The following CCDC172 variants were observed in gnomAD, a reference collection of about 807,000 sequenced individuals.
CCDC172 encodes coiled-coil domain-containing protein 172.
A neutral mutation model predicts 38.0 loss-of-function variants in CCDC172; 30 were observed. The ratio of observed to expected loss-of-function variants is 0.79; its 90% CI spans 0.59 to 1.07. The LOEUF (loss-of-function observed/expected upper bound fraction) is 1.07, where lower values mean the gene tolerates loss of function less well. Among genes scored for constraint, CCDC172 ranks in the 50% least tolerant of loss-of-function variants. The pLI is 0.00. For missense variants in CCDC172, 297 were observed against 290.1 expected, an observed-to-expected ratio of 1.02 and a Z score of -0.17; for synonymous variants, 78 against 88.3, an observed-to-expected ratio of 0.88 and a Z score of 0.66.
chr10:116,360,585 T>C (rs537957884), intron 7 of CCDC172, among the ~76,000 whole-genome samples: 6 of 152,306 alleles, frequency 3.9e-5, no homozygotes, highest in Non-Finnish European at 8.8e-5. Flanking sequence ...AGTTTAATCA[T>C]GCTGACCTCC....
intron 3 of CCDC172, among the ~76,000 whole-genome samples, chr10:116,333,416 T>C (rs1335986875): frequency 6.6e-6 from 1 of 152,192 alleles, no homozygotes; most frequent in Non-Finnish European, 1.5e-5. Context: ...TGATTATTTC[T>C]TGCACATGTG....
At chr10:116,345,196 G>T (rs1299841346) in intron 5 of CCDC172, among the ~76,000 whole-genome samples, 3 of 152,258 alleles carry the variant, frequency 2.0e-5, no homozygotes, top group Non-Finnish European at 4.4e-5. Flanking sequence ...AAATAGAAAT[G>T]CATATTGTCA....
At chr10:116,373,067 G>A (rs181694634) in intron 7 of CCDC172, among the ~76,000 whole-genome samples, 4 of 152,160 alleles carry the variant, frequency 2.6e-5, no homozygotes, top group Admixed American at 2.6e-4. Context: ...ATAGAAATTT[G>A]GAGCTATGCA....
chr10:116,331,958 G>A (rs2134906035), intron 3 of CCDC172, among the ~76,000 whole-genome samples: 1 of 152,228 alleles, frequency 6.6e-6, no homozygotes. Context: ...ATGGGATATA[G>A]CTCACTTATA....
chr10:116,338,720 G>A lies in CCDC172; in HGVS notation c.166-2014G>A, dbSNP rs149799461. On this transcript the variant is annotated intron_variant, in intron 3 of 8. Coordinates refer to ENST00000333254, the MANE Select transcript of CCDC172 (RefSeq NM_198515.3). ...TAATTTAAGCTCTTAGTCATTGATA[G>A]CTGAAAGATAGCACCTTAATTTCTG... 1.8e-3 allele frequency among the ~76,000 whole-genome samples: 270 copies of A among 152,154 alleles called. 1 individual carries two copies. The highest frequency in any genetic ancestry group is 3.4e-3 in the Middle Eastern group (1 of 294).
intron 3 of CCDC172, among the ~76,000 whole-genome samples, chr10:116,338,811 G>A (rs1039328919): frequency 6.6e-5 from 10 of 152,066 alleles, no homozygotes; most frequent in Non-Finnish European, 2.9e-5. Flanking sequence ...TTAGAAATCC[G>A]TTAGTTTGAT....
At chr10:116,345,707 A>C (rs550871402) in intron 5 of CCDC172, among the ~76,000 whole-genome samples, 1 of 152,308 alleles carries the variant, frequency 6.6e-6, no homozygotes, top group Admixed American at 6.5e-5. Flanking sequence ...AAGATACTCA[A>C]TATCTTTAGT....
chr10:116,339,490 G>A (rs933584749), intron 3 of CCDC172, among the ~76,000 whole-genome samples: 4 of 151,666 alleles, frequency 2.6e-5, no homozygotes, highest in African/African-American at 7.3e-5. Context: ...TGTCTTCTGA[G>A]ACAGAAAAAT....
intron 6 of CCDC172, 51 bp downstream of exon 6, chr10:116,357,532 G>T (rs1845014240): frequency 7.5e-7 from 1 of 1,335,326 alleles, no homozygotes; most frequent in South Asian, 1.5e-5. Context: ...AGTTATATAT[G>T]CATGATAAGG....
intron 7 of CCDC172, among the ~76,000 whole-genome samples, chr10:116,365,582 T>C (rs1386012567): frequency 6.6e-6 from 1 of 152,202 alleles, no homozygotes; most frequent in Admixed American, 6.5e-5. Context: ...ATTACAAGGG[T>C]TTTTATACAT....
rs1211910853 is a variant in CCDC172, at chr10:116,362,675, C to T, written c.653+4737C>T. Among the ~76,000 whole-genome samples, 5 of 152,264 alleles carry T rather than the reference C, an allele frequency of 3.3e-5. No homozygotes were observed. The East Asian group carries it at 9.6e-4, about 29-fold the overall frequency. ...TCTACAGTGTCCTCAAAATATTAGTCAAATAGTTGTGTGTCTGTACCTTAC... is the reference window on the plus strand; with the variant it reads ...TCTACAGTGTCCTCAAAATATTAGTTAAATAGTTGTGTGTCTGTACCTTAC... On this transcript the variant is annotated intron_variant, in intron 7 of 8. Coordinates refer to ENST00000333254, the MANE Select transcript of CCDC172 (RefSeq NM_198515.3).
At chr10:116,354,879 C>G (rs1044487092) in intron 5 of CCDC172, among the ~76,000 whole-genome samples, 1 of 152,098 alleles carries the variant, frequency 6.6e-6, no homozygotes, top group Non-Finnish European at 1.5e-5. Context: ...TTGTGTAGGC[C>G]TAGGCTAATT....
At chr10:116,377,737 A>G (rs1845265895) in intron 7 of CCDC172, among the ~76,000 whole-genome samples, 1 of 152,010 alleles carries the variant, frequency 6.6e-6, no homozygotes, top group Admixed American at 6.6e-5. Context: ...TTCTATACTT[A>G]AAAGTTTTCA....
chr10:116,329,449 C>T (rs1019522741), intron 3 of CCDC172, among the ~76,000 whole-genome samples: 10 of 152,054 alleles, frequency 6.6e-5, no homozygotes, highest in African/African-American at 2.4e-4. Flanking sequence ...CATGCACGCT[C>T]ACTTCATTTA....
At chr10:116,371,203 A>C (rs1264297942) in intron 7 of CCDC172, among the ~76,000 whole-genome samples, 1 of 151,918 alleles carries the variant, frequency 6.6e-6, no homozygotes, top group South Asian at 2.1e-4. Flanking sequence ...TTATTGGGTA[A>C]AAATAATATG....
At chr10:116,336,900 G>A (rs1044633936) in intron 3 of CCDC172, among the ~76,000 whole-genome samples, 1 of 152,078 alleles carries the variant, frequency 6.6e-6, no homozygotes, top group Non-Finnish European at 1.5e-5. Context: ...AAGGCACCCA[G>A]GCAGCAAGAG....
chr10:116,362,531 T>G (rs1403034749), intron 7 of CCDC172, among the ~76,000 whole-genome samples: 1 of 152,202 alleles, frequency 6.6e-6, no homozygotes, highest in East Asian at 1.9e-4. Flanking sequence ...TAAGCAGCAT[T>G]TCGTAGAGTA....
chr10:116,369,509 A>G (rs573129463), intron 7 of CCDC172, among the ~76,000 whole-genome samples: 5 of 152,100 alleles, frequency 3.3e-5, no homozygotes, highest in South Asian at 4.1e-4. Flanking sequence ...TTATTTAACA[A>G]TATATCCTGG....
intron 7 of CCDC172, among the ~76,000 whole-genome samples, chr10:116,361,113 AGCAAGGGAT>A: frequency 1.3e-5 from 2 of 150,376 alleles, no homozygotes; most frequent in Non-Finnish European, 3.0e-5. Flanking sequence ...TGTATCCCAG[AGCAAGGGAT>A]TACAGGCATG....
Sources: gnomAD v4.1 joint callset for allele counts (sites outside exome capture counted in the v4.1 genomes callset) on GRCh38, gnomAD v4.1.1 for gene constraint, MANE v1.5 for transcripts, NCBI Gene and HGNC (gene_info 2026-07-23, HGNC 2026-07-21) for gene names.